The following RABL3 variants were observed in gnomAD, a reference collection of about 807,000 sequenced individuals.
RABL3 encodes the protein RAB, member of RAS oncogene family like 3, also known as rab-like protein 3.
Under a neutral mutation model 31.8 loss-of-function variants are expected in RABL3, and 31 were observed. That is an observed-to-expected ratio of 0.97 (90% CI 0.73 to 1.31). RABL3 has a LOEUF of 1.31. Ranked by LOEUF, RABL3 falls within the 40% of genes most tolerant of loss-of-function variation. The pLI, the probability that RABL3 is intolerant of heterozygous loss-of-function variation, is 0.00. For synonymous variants in RABL3, 97 were observed against 99.9 expected (o/e 0.97, Z 0.18); for missense variants, 263 against 279.6 (o/e 0.94, Z 0.42).
chr3:120,709,292 T>C (rs1708585425), intron 3 of RABL3, among the ~76,000 whole-genome samples: 1 of 151,972 alleles, frequency 6.6e-6, no homozygotes, highest in Non-Finnish European at 1.5e-5. Flanking sequence ...TATCTATAAC[T>C]GGATAAAATT....
At chr3:120,707,055 C>G (rs1708557472) in intron 3 of RABL3, among the ~76,000 whole-genome samples, 1 of 152,166 alleles carries the variant, frequency 6.6e-6, no homozygotes, top group Non-Finnish European at 1.5e-5. Flanking sequence ...CAACCCTTTT[C>G]TATATTACCC....
At chr3:120,722,318 C>A (rs188207844) in intron 2 of RABL3, 135 of 152,166 alleles carry the variant, frequency 8.9e-4, no homozygotes, top group African/African-American at 3.2e-3. Context: ...AAAACCTAGA[C>A]GAAAAAGGAA....
intron 1 of RABL3, among the ~76,000 whole-genome samples, chr3:120,736,477 T>C (rs1326873656): frequency 6.6e-6 from 1 of 152,164 alleles, no homozygotes; most frequent in Non-Finnish European, 1.5e-5. Context: ...AGCACACTGA[T>C]GGGTCTTGAC....
Position 120,730,793 on chromosome 3 carries a change from A to G in RABL3, c.47-6T>C. 6.3e-7 allele frequency: 1 copy of G among 1,589,550 alleles called. No homozygotes were observed. On this transcript the variant is annotated splice_region_variant and splice_polypyrimidine_tract_variant and intron_variant, in intron 1 of 7. Transcript: ENST00000273375. The stretch of plus-strand genomic sequence containing the variant: ...TAACGAAGATTTCCCAACACCTGTA[A>G]GAGATACAAGAACTCTAGTCACATA...
intron 2 of RABL3, chr3:120,710,530 A>G (rs1002326318): frequency 3.3e-5 from 5 of 152,140 alleles, no homozygotes; most frequent in African/African-American, 1.2e-4. Flanking sequence ...TCCTGTATTT[A>G]TCTGCCTTTC....
chr3:120,685,413 T>C lies in RABL3; in HGVS notation c.*4410A>G, dbSNP rs372754079. 5.3e-5 allele frequency among the ~76,000 whole-genome samples: 8 copies of C among 152,290 alleles called. No homozygotes were observed. In the East Asian group the frequency reaches 1.5e-3, roughly 29 times the overall value. On this transcript the variant is annotated 3_prime_UTR_variant, in exon 8 of 8. Coordinates refer to ENST00000273375, the MANE Select transcript of RABL3 (RefSeq NM_173825.5). ...TAGTTATTGATGACCTCGGTAAAGC[T>C]TAGTGATTAGCCAGCTGAGAAAACA...
In RABL3 at chr3:120,698,197, G is replaced by GA. The variant is rs567899938; in HGVS notation, c.534+225dup. 2.4e-4 allele frequency among the ~76,000 whole-genome samples: 37 copies of GA among 152,276 alleles called. 1 individual carries two copies. The East Asian group carries it at 6.0e-3, about 25-fold the overall frequency. ...AAGCCTATGATTTAAATTATTCATA[G>GA]AATAAAGTTGGAACATTCCAACAGA... On this transcript the variant is annotated intron_variant, in intron 5 of 7. Transcript: ENST00000273375.
intron 2 of RABL3, among the ~76,000 whole-genome samples, chr3:120,726,358 C>A (rs1001838431): frequency 6.6e-6 from 1 of 152,130 alleles, no homozygotes; most frequent in African/African-American, 2.4e-5. Flanking sequence ...GGCATGGTGG[C>A]TTATGCCTCT....
intron 2 of RABL3, among the ~76,000 whole-genome samples, chr3:120,712,674 T>A (rs539263436): frequency 6.6e-6 from 1 of 152,298 alleles, no homozygotes; most frequent in South Asian, 2.1e-4. Flanking sequence ...TCTTCTAGAC[T>A]CTGAGTGTAA....
intron 2 of RABL3, among the ~76,000 whole-genome samples, chr3:120,719,504 T>C (rs1441890761): frequency 6.6e-6 from 1 of 152,244 alleles, no homozygotes; most frequent in African/African-American, 2.4e-5. Context: ...CTCACCCTAA[T>C]ACTGCGCTTT....
At chr3:120,711,482 C>T (rs1223769876) in intron 2 of RABL3, among the ~76,000 whole-genome samples, 1 of 152,110 alleles carries the variant, frequency 6.6e-6, no homozygotes, top group Non-Finnish European at 1.5e-5. Flanking sequence ...AGAGGCATCC[C>T]CCAACCTCCC....
intron 6 of RABL3, among the ~76,000 whole-genome samples, chr3:120,692,526 G>A (rs1708392940): frequency 6.6e-6 from 1 of 152,266 alleles, no homozygotes; most frequent in African/African-American, 2.4e-5. Flanking sequence ...CTAAATTCTG[G>A]AAGAACTGAT....
intron 2 of RABL3, among the ~76,000 whole-genome samples, chr3:120,726,132 G>A (rs1451410102): frequency 6.6e-6 from 1 of 152,032 alleles, no homozygotes; most frequent in East Asian, 1.9e-4. Context: ...ACACCTCTGG[G>A]TAAAAGTTTT....
At chr3:120,717,292 A>T (rs1488067089) in intron 2 of RABL3, among the ~76,000 whole-genome samples, 1 of 152,014 alleles carries the variant, frequency 6.6e-6, no homozygotes, top group Non-Finnish European at 1.5e-5. Context: ...ACAAAAAAAA[A>T]AACAAGACAG....
intron 5 of RABL3, among the ~76,000 whole-genome samples, chr3:120,696,183 T>C (rs1215149512): frequency 1.3e-5 from 2 of 152,242 alleles, no homozygotes; most frequent in Non-Finnish European, 2.9e-5. Context: ...AATTTGCATG[T>C]ATTCAGGCAG....
At chr3:120,696,158 A>C (rs1249843973) in intron 5 of RABL3, among the ~76,000 whole-genome samples, 1 of 152,220 alleles carries the variant, frequency 6.6e-6, no homozygotes, top group African/African-American at 2.4e-5. Context: ...TGGTTCACCT[A>C]TTTATAATTT....
At chr3:120,729,863 T>C (rs1196644392) in intron 2 of RABL3, among the ~76,000 whole-genome samples, 1 of 151,934 alleles carries the variant, frequency 6.6e-6, no homozygotes, top group Non-Finnish European at 1.5e-5. Context: ...CTTAAAATTC[T>C]GAAAAATAAA....
At chr3:120,698,676 T>A in intron 4 of RABL3, 103 bp from the exon 5 acceptor site, 1 of 977,752 alleles carries the variant, frequency 1.0e-6, no homozygotes, top group Non-Finnish European at 1.5e-6. Flanking sequence ...GAAAATTAAC[T>A]GATTTTTGCT....
At chr3:120,715,815 C>A (rs1475536717) in intron 2 of RABL3, among the ~76,000 whole-genome samples, 1 of 151,936 alleles carries the variant, frequency 6.6e-6, no homozygotes, top group African/African-American at 2.4e-5. Flanking sequence ...AAGCAGACTG[C>A]CTGGGTTTGA....
Sources: gnomAD v4.1 joint callset for allele counts (sites outside exome capture counted in the v4.1 genomes callset) on GRCh38, gnomAD v4.1.1 for gene constraint, MANE v1.5 for transcripts, NCBI Gene and HGNC (gene_info 2026-07-23, HGNC 2026-07-21) for gene names.